Variants in SH3RF2 observed in about 807,000 individuals in gnomAD.
SH3RF2 encodes the protein E3 ubiquitin-protein ligase SH3RF2.
A neutral mutation model predicts 59.0 loss-of-function variants in SH3RF2; 43 were observed. That is an observed-to-expected ratio of 0.73 (90% CI 0.57 to 0.94). The LOEUF (loss-of-function observed/expected upper bound fraction) is 0.94. Among genes scored for constraint, SH3RF2 ranks in the 40% least tolerant of loss-of-function variants. The probability of loss-of-function intolerance (pLI) is 0.00; values close to 1 mark genes in which losing one functional copy is unlikely to be tolerated. For missense variants in SH3RF2, 930 were observed against 940.1 expected, an observed-to-expected ratio of 0.99 and a Z score of 0.14; for synonymous variants, 391 against 391.5, an observed-to-expected ratio of 1.00 and a Z score of 0.01.
chr5:146,025,447 G>A (rs1468512707), intron 5 of SH3RF2, among the ~76,000 whole-genome samples: 1 of 152,202 alleles, frequency 6.6e-6, no homozygotes, highest in African/African-American at 2.4e-5. Context: ...CTGAGGTCTG[G>A]TTCCCACACT....
intron 2 of SH3RF2, chr5:145,998,121 A>G: frequency 2.1e-6 from 1 of 477,166 alleles, no homozygotes; most frequent in Non-Finnish European, 3.7e-6. Flanking sequence ...TATTATTTAA[A>G]CCAAGTTTTT....
chr5:145,956,197 A>C (rs1476570561), intron 2 of SH3RF2, among the ~76,000 whole-genome samples: 2 of 152,168 alleles, frequency 1.3e-5, no homozygotes, highest in Admixed American at 1.3e-4. Context: ...TGTCATAGAG[A>C]AAGCTGGAAG....
At chr5:146,016,434 G>T (rs1302605083) in intron 5 of SH3RF2, among the ~76,000 whole-genome samples, 2 of 152,074 alleles carry the variant, frequency 1.3e-5, no homozygotes, top group African/African-American at 4.8e-5. Context: ...TAAATAGATA[G>T]ATAGATAAAT....
rs869156939 is a variant in SH3RF2 at position 145,961,174 on chromosome 5, C to CTTTTTT, written c.378+22887_378+22892dup. Among the ~76,000 whole-genome samples the CTTTTTT allele has an allele frequency of 9.5e-4, 86 of 90,968 alleles. 6 individuals are homozygous for CTTTTTT. Among genetic ancestry groups the CTTTTTT allele is most frequent in the African/African-American group, 3.5e-3 (76 of 21,740 alleles). The allele number at this position is 90,968 out of a possible 152,430, so 59.7% of individuals were successfully genotyped here. On this transcript the variant is annotated intron_variant, in intron 2 of 9. Coordinates refer to ENST00000359120, the MANE Select transcript of SH3RF2 (RefSeq NM_152550.4). The stretch of plus-strand genomic sequence containing the variant: ...GGAGCTGCTGCATTCCTGCATCCTC[C>CTTTTTT]TTTTTTTTTTTTTTTTTTTTTTTTG...
chr5:145,961,802 C>T (rs546232979), intron 2 of SH3RF2, among the ~76,000 whole-genome samples: 2 of 152,296 alleles, frequency 1.3e-5, no homozygotes, highest in Non-Finnish European at 2.9e-5. Context: ...GTAGGAAGAC[C>T]TTCTCAGTTG....
chr5:145,975,955 G>C (rs950865410), intron 2 of SH3RF2, among the ~76,000 whole-genome samples: 4 of 152,176 alleles, frequency 2.6e-5, no homozygotes, highest in Admixed American at 2.6e-4. Context: ...CTTACAGTAG[G>C]CACTCAATAA....
At chr5:145,977,297 A>G (rs1446161885) in intron 2 of SH3RF2, among the ~76,000 whole-genome samples, 1 of 152,222 alleles carries the variant, frequency 6.6e-6, no homozygotes, top group Non-Finnish European at 1.5e-5. Flanking sequence ...TCCACAGACC[A>G]TGAGGAAGGG....
chr5:145,943,871 T>G (rs1366220197), intron 2 of SH3RF2, among the ~76,000 whole-genome samples: 2 of 152,220 alleles, frequency 1.3e-5, no homozygotes, highest in Non-Finnish European at 2.9e-5. Flanking sequence ...ATTAGGGACA[T>G]GTTACCTAAG....
At chr5:146,033,064 C>T (rs1404014204) in intron 5 of SH3RF2, among the ~76,000 whole-genome samples, 2 of 152,176 alleles carry the variant, frequency 1.3e-5, no homozygotes, top group Non-Finnish European at 2.9e-5. Flanking sequence ...GCTCTGTGGC[C>T]TTGGGCAAGT....
chr5:145,969,721 C>T (rs768559978), intron 2 of SH3RF2, among the ~76,000 whole-genome samples: 16 of 150,266 alleles, frequency 1.1e-4, no homozygotes, highest in Non-Finnish European at 2.1e-4. Context: ...GATGACAGAG[C>T]GAGACACTCT....
chr5:146,037,466 G>C (rs1410697828), intron 5 of SH3RF2, among the ~76,000 whole-genome samples: 1 of 152,122 alleles, frequency 6.6e-6, no homozygotes, highest in Admixed American at 6.5e-5. Flanking sequence ...GACTTGAATT[G>C]ATGATGTATG....
Position 146,013,913 on chromosome 5 carries a change from C to A in SH3RF2, c.911C>A (p.Ala304Asp). The A allele has an allele frequency of 5.6e-6, 9 of 1,614,148 alleles. No homozygotes were observed. Among genetic ancestry groups the A allele is most frequent in the Non-Finnish European group, 7.6e-6 (9 of 1,180,032 alleles). ...CCTGGGCAGTTTTCCATCACAACAG[C>A]CTTGAACACTCTCAACCGGATGGTC... ...KVPGQFSITTALNTLNRMVHS... is the reference protein window; with the variant it reads ...KVPGQFSITTDLNTLNRMVHS... The change falls in exon 5 of 10, where the codon GCC becomes GAC. Residue 304 changes from alanine (A) to aspartate (D), a missense_variant. Physicochemically the swap from Ala to Asp is moderately radical, Grantham distance 126. Transcript: ENST00000359120.
chr5:145,974,254 A>C (rs1003058025), intron 2 of SH3RF2, among the ~76,000 whole-genome samples: 1 of 152,202 alleles, frequency 6.6e-6, no homozygotes, highest in Non-Finnish European at 1.5e-5. Flanking sequence ...GAGAGTGTCG[A>C]GCAAGACGGA....
At chr5:145,983,014 G>C (rs761180056) in intron 2 of SH3RF2, among the ~76,000 whole-genome samples, 7 of 152,140 alleles carry the variant, frequency 4.6e-5, no homozygotes, top group Non-Finnish European at 8.8e-5. Context: ...AGAATACACT[G>C]TATCCTAAAA....
chr5:145,962,929 G>C (rs1442460684), intron 2 of SH3RF2, among the ~76,000 whole-genome samples: 1 of 120,800 alleles, frequency 8.3e-6, no homozygotes, highest in African/African-American at 3.3e-5. Context: ...ACGGAGTCTC[G>C]CTCTGTCGCC....
At chr5:145,952,356 T>G (rs1166487292) in intron 2 of SH3RF2, among the ~76,000 whole-genome samples, 1 of 152,114 alleles carries the variant, frequency 6.6e-6, no homozygotes, top group African/African-American at 2.4e-5. Context: ...ATAACAAACC[T>G]TGCTAAAACA....
intron 2 of SH3RF2, among the ~76,000 whole-genome samples, chr5:145,938,658 CAAAAG>C (rs141909816): frequency 0.023 from 3,428 of 152,248 alleles, 57 homozygotes; most frequent in Non-Finnish European, 0.032. Flanking sequence ...TGGGGAGAAA[CAAAAG>C]AGAGAAAACA....
chr5:145,992,944 G>T (rs1371760958), intron 2 of SH3RF2, among the ~76,000 whole-genome samples: 1 of 152,082 alleles, frequency 6.6e-6, no homozygotes, highest in Non-Finnish European at 1.5e-5. Flanking sequence ...AAAGTCCATA[G>T]TCCAAAGTCT....
At chr5:145,958,452 T>C (rs1013966923) in intron 2 of SH3RF2, among the ~76,000 whole-genome samples, 30 of 152,190 alleles carry the variant, frequency 2.0e-4, no homozygotes, top group Non-Finnish European at 3.8e-4. Context: ...TCAAGCAAAT[T>C]CTTCTCATGA....
Sources: allele counts gnomAD v4.1 joint callset (sites outside exome capture counted in the v4.1 genomes callset), GRCh38; gene constraint gnomAD v4.1.1; transcripts MANE v1.5; gene names NCBI Gene and HGNC (gene_info 2026-07-23, HGNC 2026-07-21).